SNX25: variants seen among roughly 807,000 people sequenced by gnomAD.
The protein encoded by SNX25 is sorting nexin-25.
Under a neutral mutation model 113.7 loss-of-function variants are expected in SNX25, and 62 were observed. That is an observed-to-expected ratio of 0.55 (90% CI 0.44 to 0.67). SNX25 has a LOEUF of 0.67. Ranked by LOEUF, SNX25 falls within the 30% of genes least tolerant of loss-of-function variation. The probability of loss-of-function intolerance (pLI) is 0.00; values close to 1 mark genes in which losing one functional copy is unlikely to be tolerated. For synonymous variants in SNX25, 421 were observed against 436.2 expected, an observed-to-expected ratio of 0.97 and a Z score of 0.43; for missense variants, 1,014 against 1,161.0, an observed-to-expected ratio of 0.87 and a Z score of 1.84.
rs763461188 is a variant in SNX25, at chr4:185,346,566, G to A, written c.2217G>A (p.Leu739=). The A allele has an allele frequency of 2.5e-6, 4 of 1,595,768 alleles. No individual in the cohort carries two copies. The highest frequency in any genetic ancestry group is 2.7e-5 in the African/African-American group (2 of 73,548). Residue 739 remains leucine (L), a synonymous_variant, in exon 13 of 19, where the codon TTG becomes TTA. Coordinates refer to ENST00000652585, the MANE Select transcript of SNX25 (RefSeq NM_001378034.2). ...TCCCTTCTTTAAAAAAAGTCCAGTTGCCTTCTCTTAGCAAGCTGCCTTTCA... is the reference window on the plus strand; with the variant it reads ...TCCCTTCTTTAAAAAAAGTCCAGTTACCTTCTCTTAGCAAGCTGCCTTTCA... ...ECVPSLKKVQ[L]PSLSKLPFKS...
chr4:185,378,055 G>A, the SNX25 span: 3 of 1,568,532 alleles, frequency 1.9e-6, no homozygotes, highest in Non-Finnish European at 2.6e-6. Flanking sequence ...GTTTTCCAAG[G>A]GAAGCTTAAA....
intron 14 of SNX25, chr4:185,353,195 GA>G (rs2095324056): frequency 4.2e-6 from 1 of 237,144 alleles, no homozygotes; most frequent in East Asian, 8.3e-5. Flanking sequence ...CCTTAGTTTT[GA>G]AATTCAAAAT....
chr4:185,358,696 A>G (rs2095349636), intron 16 of SNX25, among the ~76,000 whole-genome samples: 1 of 152,192 alleles, frequency 6.6e-6, no homozygotes, highest in Non-Finnish European at 1.5e-5. Flanking sequence ...TGTGCCTGGA[A>G]TTTGGAAGTA....
rs114513639 is a variant in SNX25, at chr4:185,327,740, A to T, written c.1749+3940A>T. On this transcript the variant is annotated intron_variant, in intron 9 of 18. Coordinates refer to ENST00000652585, the MANE Select transcript of SNX25 (RefSeq NM_001378034.2). ...GACTGCCTAAGGCCACCAGATTAGA[A>T]GTTAGGGTATTTCATTAAATAGTTC... Among the ~76,000 whole-genome samples, 810 of 152,316 alleles carry T rather than the reference A, an allele frequency of 5.3e-3. 1 individual carries two copies. The highest frequency in any genetic ancestry group is 8.2e-3 in the Non-Finnish European group (556 of 68,016).
At chr4:185,269,532 G>T (rs1748613426) in intron 5 of SNX25, among the ~76,000 whole-genome samples, 1 of 152,156 alleles carries the variant, frequency 6.6e-6, no homozygotes, top group Non-Finnish European at 1.5e-5. Flanking sequence ...GGCAGGTGTG[G>T]ACTATTTGGT....
At chr4:185,277,563 T>A (rs192183585) in intron 5 of SNX25, among the ~76,000 whole-genome samples, 1 of 152,194 alleles carries the variant, frequency 6.6e-6, no homozygotes, top group African/African-American at 2.4e-5. Context: ...TCACTGAACG[T>A]GGACTTGGGG....
At chr4:185,222,730 A>G (rs1740198434) in intron 1 of SNX25, among the ~76,000 whole-genome samples, 1 of 152,248 alleles carries the variant, frequency 6.6e-6, no homozygotes, top group Non-Finnish European at 1.5e-5. Context: ...TAAGAAGTAC[A>G]TATTTAAAAG....
chr4:185,374,550 C>T, downstream of SNX25: 4 of 1,354,602 alleles, frequency 3.0e-6, no homozygotes, highest in Non-Finnish European at 4.1e-6. Context: ...GAAGTGTCCG[C>T]CCTCTGACAC....
rs185658112 is a variant in SNX25 at position 185,293,856 on chromosome 4, A to G, written c.1162+5774A>G. 4.2e-3 allele frequency among the ~76,000 whole-genome samples: 646 copies of G among 152,332 alleles called. 11 individuals carry two copies. The highest frequency in any genetic ancestry group is 5.1e-3 in the Non-Finnish European group (350 of 68,030). On this transcript the variant is annotated intron_variant, in intron 6 of 18. Coordinates refer to ENST00000652585, the MANE Select transcript of SNX25 (RefSeq NM_001378034.2). Reference sequence around the variant, plus strand: ...CAGCACTAACAGAGTTAGAGAAACAATGTAAAACACGATCGTTTATAAACA... The same window carrying G: ...CAGCACTAACAGAGTTAGAGAAACAGTGTAAAACACGATCGTTTATAAACA...
At chr4:185,217,817 AGT>A (rs979136721) in intron 1 of SNX25, among the ~76,000 whole-genome samples, 1 of 152,220 alleles carries the variant, frequency 6.6e-6, no homozygotes, top group Non-Finnish European at 1.5e-5. Context: ...GAAAATGCAC[AGT>A]GTCTGTGGAA....
intron 6 of SNX25, among the ~76,000 whole-genome samples, chr4:185,302,056 C>T (rs1289607052): frequency 2.0e-5 from 3 of 150,346 alleles, no homozygotes; most frequent in Admixed American, 6.7e-5. Context: ...CCCGTCACCA[C>T]ATGCAGCTAA....
intron 6 of SNX25, among the ~76,000 whole-genome samples, chr4:185,307,170 G>A (rs1754578845): frequency 6.6e-6 from 1 of 152,174 alleles, no homozygotes; most frequent in Non-Finnish European, 1.5e-5. Flanking sequence ...CTCCCTGAGT[G>A]CTATGTTATA....
At chr4:185,358,106 C>T (rs570120566) in intron 16 of SNX25, among the ~76,000 whole-genome samples, 36 of 152,250 alleles carry the variant, frequency 2.4e-4, no homozygotes, top group African/African-American at 8.4e-4. Flanking sequence ...AGCCAGAAGG[C>T]AAGTAGGATG....
chr4:185,224,518 AATAT>A lies in SNX25; in HGVS notation c.429+14269_429+14272del, dbSNP rs1297511300. 3.2e-4 allele frequency among the ~76,000 whole-genome samples: 37 copies of A among 115,280 alleles called. No homozygotes were observed. The South Asian group carries it at 7.9e-3, about 25-fold the overall frequency. The allele number at this position is 115,280 out of a possible 152,430, so 75.6% of individuals were successfully genotyped here. A position where few individuals can be genotyped will look rare whatever the true frequency, so the allele number is the denominator to read the frequency against. On this transcript the variant is annotated intron_variant, in intron 1 of 18. Transcript: ENST00000652585. ...AGATATATAAATATATAGATATATA[AATAT>A]ATATACATATATATAAATATATATA...
At position 185,342,032 on chromosome 4, in the gene SNX25, A is replaced by G. The variant is rs1194869931; in HGVS notation, c.2103A>G (p.Gln701=). 8.1e-6 allele frequency: 13 copies of G among 1,611,894 alleles called. No homozygotes were observed. Among genetic ancestry groups the G allele is most frequent in the Admixed American group, 3.4e-5 (2 of 59,638 alleles). The change falls in exon 12 of 19, where the codon CAA becomes CAG. Residue 701 remains glutamine, a synonymous_variant. Transcript: ENST00000652585. The part of the protein sequence containing the change: ...LPCYFVMVSL[Q]EVGGVETKNW... ...GTTACTTTGTCATGGTAAGCCTACAAGAAGTTGGAGGAGTTGAAACTAAGA... is the reference window on the plus strand; with the variant it reads ...GTTACTTTGTCATGGTAAGCCTACAGGAAGTTGGAGGAGTTGAAACTAAGA...
chr4:185,224,182 C>T (rs556608108), intron 1 of SNX25, among the ~76,000 whole-genome samples: 103 of 151,960 alleles, frequency 6.8e-4, no homozygotes, highest in African/African-American at 2.5e-3. Flanking sequence ...TGAAACCTGT[C>T]TCTACTAGAA....
chr4:185,204,708 G>C (rs532896965), upstream of SNX25, among the ~76,000 whole-genome samples: 25 of 152,294 alleles, frequency 1.6e-4, no homozygotes, highest in African/African-American at 5.8e-4. Flanking sequence ...AATCACAAAG[G>C]TCCTTATAAG....
At chr4:185,207,115 G>A (rs1248141775), upstream of SNX25, among the ~76,000 whole-genome samples, 2 of 151,800 alleles carry the variant, frequency 1.3e-5, no homozygotes, top group Non-Finnish European at 2.9e-5. Context: ...TGACCCAGGG[G>A]CAATCTTCTT....
chr4:185,251,129 A>G (rs555162912), intron 2 of SNX25, among the ~76,000 whole-genome samples: 1 of 152,036 alleles, frequency 6.6e-6, no homozygotes, highest in African/African-American at 2.4e-5. Context: ...CAAGTAGCTG[A>G]GATTACAGGC....
Sources: gnomAD v4.1 joint callset for allele counts (sites outside exome capture counted in the v4.1 genomes callset) on GRCh38, gnomAD v4.1.1 for gene constraint, MANE v1.5 for transcripts, NCBI Gene and HGNC (gene_info 2026-07-23, HGNC 2026-07-21) for gene names.